Variants in TDRD7 observed in about 807,000 individuals in gnomAD.
The protein encoded by TDRD7 is tudor domain-containing protein 7.
Under a neutral mutation model 109.8 loss-of-function variants are expected in TDRD7, and 47 were observed. The observed-to-expected ratio is 0.43, with a 90% CI of 0.34 to 0.55. The LOEUF is 0.55. Among genes scored for constraint, TDRD7 ranks in the 20% least tolerant of loss-of-function variants. TDRD7 has a pLI of 0.03. For missense variants in TDRD7, 1,164 were observed against 1,319.2 expected (o/e 0.88, Z 1.82); for synonymous variants, 424 against 457.3 (o/e 0.93, Z 0.93).
At chr9:97,438,736 C>G (rs1828245965) in intron 4 of TDRD7, among the ~76,000 whole-genome samples, 1 of 152,024 alleles carries the variant, frequency 6.6e-6, no homozygotes, top group South Asian at 2.1e-4. Context: ...CCTCACCTGT[C>G]TGTTTTGAAA....
In TDRD7 at chr9:97,479,522, C is replaced by A. The variant is rs540410694; in HGVS notation, c.2301+949C>A. 7.9e-5 allele frequency among the ~76,000 whole-genome samples: 12 copies of A among 152,294 alleles called. 1 individual carries two copies. Among genetic ancestry groups the A allele is most frequent in the Admixed American group, 6.5e-4 (10 of 15,294 alleles). ...TGTCTGAAAGTCCACAACAGTACCA[C>A]CTGTATGCTACGGCATTAACAATCA... On this transcript the variant is annotated intron_variant, in intron 13 of 16. Coordinates refer to ENST00000355295, the MANE Select transcript of TDRD7 (RefSeq NM_014290.3).
At chr9:97,430,892 C>A (rs1828092635) in intron 2 of TDRD7, 41 bp from the exon 3 acceptor site, 1 of 1,613,166 alleles carries the variant, frequency 6.2e-7, no homozygotes, top group African/African-American at 1.3e-5. Context: ...AACACGGAAT[C>A]TGAGAAATGT....
In TDRD7 at chr9:97,480,810, A is replaced by T; in HGVS notation, c.2302-18A>T. 6.3e-7 allele frequency: 1 copy of T among 1,598,160 alleles called. No homozygotes were observed. Reference sequence around the variant, plus strand: ...TTTAACATGGTGTGTTCACTTTTCCATCATATTTTCTTTTCAGGCCATTAA... The same window carrying T: ...TTTAACATGGTGTGTTCACTTTTCCTTCATATTTTCTTTTCAGGCCATTAA... On this transcript the variant is annotated intron_variant, in intron 13 of 16. Transcript: ENST00000355295.
At chr9:97,455,111 C>A (rs945673516) in intron 6 of TDRD7, among the ~76,000 whole-genome samples, 9 of 152,088 alleles carry the variant, frequency 5.9e-5, no homozygotes, top group African/African-American at 2.2e-4. Flanking sequence ...ATACACCCTA[C>A]CAAGACTAAA....
chr9:97,488,133 G>A (rs1186136834), intron 16 of TDRD7, among the ~76,000 whole-genome samples: 1 of 152,188 alleles, frequency 6.6e-6, no homozygotes, highest in Admixed American at 6.5e-5. Flanking sequence ...AACTGTTGGT[G>A]GCTCCCCTGT....
chr9:97,439,406 C>G (rs1587866941), intron 5 of TDRD7, 88 bp downstream of exon 5: 1 of 1,082,728 alleles, frequency 9.2e-7, no homozygotes, highest in East Asian at 2.4e-5. Flanking sequence ...TTGCTCTCAC[C>G]TTCTCCTGTT....
chr9:97,468,069 A>G (rs1828847698), intron 8 of TDRD7, among the ~76,000 whole-genome samples: 1 of 152,254 alleles, frequency 6.6e-6, no homozygotes, highest in African/African-American at 2.4e-5. Flanking sequence ...AGGACCTGCT[A>G]GGTTTGAGAA....
At chr9:97,479,137 A>G (rs1192642016) in intron 13 of TDRD7, among the ~76,000 whole-genome samples, 2 of 152,228 alleles carry the variant, frequency 1.3e-5, no homozygotes, top group African/African-American at 4.8e-5. Context: ...AATATCTTTT[A>G]AAAAATAAAA....
chr9:97,484,469 A>AACACAC lies in TDRD7; in HGVS notation c.2915+1137_2915+1142dup, dbSNP rs66794888. On this transcript the variant is annotated intron_variant, in intron 15 of 16. Coordinates refer to ENST00000355295, the MANE Select transcript of TDRD7 (RefSeq NM_014290.3). ...ACACAAAGAACAGTCACCCCTCCCC[A>AACACAC]ACACACACACACACACACACACACC... Among the ~76,000 whole-genome samples the AACACAC allele has an allele frequency of 2.1e-3, 311 of 147,258 alleles. 2 individuals are homozygous for AACACAC. The highest frequency in any genetic ancestry group is 7.2e-3 in the African/African-American group (293 of 40,892).
At position 97,441,773 on chromosome 9, in the gene TDRD7, C is replaced by T. The variant is rs1828310331; in HGVS notation, c.753C>T (p.Gly251=). The stretch of plus-strand genomic sequence containing the variant: ...AAATACTAAACAAGCATAACAATGG[C>T]ATTTGGATATCTAAGCTTCCACATT... ...IKEILNKHNN[G]IWISKLPHFY... The change falls in exon 6 of 17, where the codon GGC becomes GGT. Residue 251 remains glycine (G), a synonymous_variant. Transcript: ENST00000355295. The T allele has an allele frequency of 3.1e-6, 5 of 1,613,598 alleles. No homozygotes were observed. The South Asian group carries it at 3.3e-5, about 11-fold the overall frequency.
intron 6 of TDRD7, among the ~76,000 whole-genome samples, chr9:97,459,279 G>A (rs886955206): frequency 6.6e-6 from 1 of 152,144 alleles, no homozygotes; most frequent in Non-Finnish European, 1.5e-5. Context: ...GCATGACTGT[G>A]TTCCAATAAA....
At chr9:97,445,167 C>T (rs903215073) in intron 6 of TDRD7, among the ~76,000 whole-genome samples, 2 of 152,176 alleles carry the variant, frequency 1.3e-5, no homozygotes, top group African/African-American at 4.8e-5. Context: ...GACAGTAAGC[C>T]TGCAGATCAA....
intron 7 of TDRD7, 78 bp from the exon 8 acceptor site, chr9:97,464,764 G>C (rs967945449): frequency 1.3e-6 from 2 of 1,511,470 alleles, no homozygotes; most frequent in Non-Finnish European, 1.8e-6. Context: ...AGGGAAAAAA[G>C]AAGGACAAAA....
intron 9 of TDRD7, among the ~76,000 whole-genome samples, chr9:97,471,938 C>T (rs1310455718): frequency 6.6e-6 from 1 of 152,088 alleles, no homozygotes; most frequent in Non-Finnish European, 1.5e-5. Flanking sequence ...AAACATATGA[C>T]TGGAAGACAT....
chr9:97,453,435 CATA>C (rs1172962969), intron 6 of TDRD7, among the ~76,000 whole-genome samples: 4 of 152,036 alleles, frequency 2.6e-5, no homozygotes, highest in Non-Finnish European at 5.9e-5. Context: ...TGAAAAAAAC[CATA>C]ATAAGTGTGT....
intron 16 of TDRD7, among the ~76,000 whole-genome samples, chr9:97,494,708 ATATATT>A (rs1339667276): frequency 4.1e-5 from 4 of 98,226 alleles, no homozygotes; most frequent in Admixed American, 1.2e-4. Flanking sequence ...ATATATATAT[ATATATT>A]TTTTTTTTTT....
intron 4 of TDRD7, among the ~76,000 whole-genome samples, chr9:97,434,939 A>G (rs1828168021): frequency 6.6e-6 from 1 of 152,180 alleles, no homozygotes; most frequent in African/African-American, 2.4e-5. Flanking sequence ...GTGTGATTTT[A>G]TTTATATAAC....
At chr9:97,483,394 A>T (rs780073764) in intron 15 of TDRD7, 43 bp downstream of exon 15, 28 of 1,605,796 alleles carry the variant, frequency 1.7e-5, no homozygotes, top group Non-Finnish European at 2.3e-5. Flanking sequence ...CCTAAGAAAA[A>T]TGTGTAAAAT....
Position 97,496,025 on chromosome 9 carries a change from G to T in TDRD7, c.*142G>T. ...AAGAATATGCTTATGTTTGATGAAA[G>T]ATATTTAACAAGTTTTGTTTTAACA... On this transcript the variant is annotated 3_prime_UTR_variant, in exon 17 of 17. Coordinates refer to ENST00000355295, the MANE Select transcript of TDRD7 (RefSeq NM_014290.3). 1.4e-6 allele frequency: 1 copy of T among 699,154 alleles called. No individual in the cohort carries two copies. The highest frequency in any genetic ancestry group is 1.6e-5 in the South Asian group (1 of 60,672). 43.3% of individuals were successfully genotyped at this position (699,154 alleles called of 1,614,324 possible).
Sources: gnomAD v4.1 joint callset for allele counts (sites outside exome capture counted in the v4.1 genomes callset) on GRCh38, gnomAD v4.1.1 for gene constraint, MANE v1.5 for transcripts, NCBI Gene and HGNC (gene_info 2026-07-23, HGNC 2026-07-21) for gene names.